Variants in PDZRN3 observed in about 807,000 individuals in gnomAD.
PDZRN3 encodes PDZ domain containing ring finger 3.
Under a neutral mutation model 85.7 loss-of-function variants are expected in PDZRN3, and 38 were observed. That is an observed-to-expected ratio of 0.44 (90% CI 0.34 to 0.58). PDZRN3 has a LOEUF of 0.58. Among genes scored for constraint, PDZRN3 ranks in the 20% least tolerant of loss-of-function variants. PDZRN3 has a pLI of 0.01. For synonymous variants in PDZRN3, 759 were observed against 638.0 expected (o/e 1.19, Z -2.86); for missense variants, 1,629 against 1,506.4 (o/e 1.08, Z -1.35).
At chr3:73,474,683 T>C (rs913810113) in intron 3 of PDZRN3, 1 of 1,017,954 alleles carries the variant, frequency 9.8e-7, no homozygotes, top group South Asian at 2.4e-5. Context: ...AGGGAGGCAC[T>C]GAACAAAAGA....
At chr3:73,535,080 G>T (rs1352487825) in intron 3 of PDZRN3, among the ~76,000 whole-genome samples, 1 of 152,014 alleles carries the variant, frequency 6.6e-6, no homozygotes, top group African/African-American at 2.4e-5. Context: ...ACCATCACCT[G>T]GGTCTGCCGT....
At chr3:73,470,058 TC>T in intron 3 of PDZRN3, among the ~76,000 whole-genome samples, 2 of 152,292 alleles carry the variant, frequency 1.3e-5, no homozygotes, top group Middle Eastern at 6.8e-3. Context: ...TATTAAATGT[TC>T]CTTGGGGGCA....
At position 73,408,568 on chromosome 3, in the gene PDZRN3, C is replaced by T. The variant is rs933863090; in HGVS notation, c.919-4173G>A. On this transcript the variant is annotated intron_variant, in intron 3 of 9. Coordinates refer to ENST00000263666, the MANE Select transcript of PDZRN3 (RefSeq NM_015009.3). Reference sequence around the variant, plus strand: ...TATGCACATGGATATTTTCAGCCCTCGAGTTGGGATTCTTGGAGGAGGGGG... The same window carrying T: ...TATGCACATGGATATTTTCAGCCCTTGAGTTGGGATTCTTGGAGGAGGGGG... 7.3e-5 allele frequency among the ~76,000 whole-genome samples: 11 copies of T among 149,892 alleles called. No homozygotes were observed. In the South Asian group the frequency reaches 1.1e-3, roughly 14 times the overall value.
At position 73,383,950 on chromosome 3, in the gene PDZRN3, G is replaced by T; in HGVS notation, c.2616C>A (p.His872Gln). The change falls in exon 10 of 10, where the codon CAC becomes CAA. Residue 872 changes from histidine (H) to glutamine (Q), a missense_variant. Coordinates refer to ENST00000263666, the MANE Select transcript of PDZRN3 (RefSeq NM_015009.3). ...GGTAGTGCTGGGCGTGCGCCGGGAT[G>T]TGCGCGTGCTTGTATGGGGAGTGGT... ...SYHHSPYKHAHIPAHAQHYQS... is the reference protein window; with the variant it reads ...SYHHSPYKHAQIPAHAQHYQS... 2 of 1,602,922 alleles carry T rather than the reference G, an allele frequency of 1.2e-6. No homozygotes were observed. Among genetic ancestry groups the T allele is most frequent in the Non-Finnish European group, 1.7e-6 (2 of 1,175,198 alleles).
At chr3:73,541,352 T>C (rs149855812) in intron 3 of PDZRN3, among the ~76,000 whole-genome samples, 2 of 152,342 alleles carry the variant, frequency 1.3e-5, no homozygotes, top group African/African-American at 4.8e-5. Context: ...ATAGCTAACA[T>C]TTATTGAGTA....
At chr3:73,470,612 C>A (rs1703317696) in intron 3 of PDZRN3, among the ~76,000 whole-genome samples, 2 of 152,192 alleles carry the variant, frequency 1.3e-5, no homozygotes, top group Non-Finnish European at 2.9e-5. Context: ...GGATGCTGTT[C>A]TTGAATAAGA....
At chr3:73,617,227 C>T (rs1241493745) in intron 1 of PDZRN3, among the ~76,000 whole-genome samples, 7 of 152,322 alleles carry the variant, frequency 4.6e-5, no homozygotes, top group Admixed American at 1.3e-4. Flanking sequence ...ACAAAGATTA[C>T]GCGGTGCCTC....
Position 73,387,991 on chromosome 3 carries a change from G to A in PDZRN3, c.1495C>T (p.Leu499=), listed in dbSNP as rs1455711526. The change falls in exon 8 of 10, where the codon CTG becomes TTG. Residue 499 remains leucine, a synonymous_variant. Coordinates refer to ENST00000263666, the MANE Select transcript of PDZRN3 (RefSeq NM_015009.3). ...TSEENKNFSL[L]IARPELQLDE... ...ACCTGGAGTTCAGGCCTTGCAATCAGCAATGAAAAGTTTTTATTTTCTTCA... is the reference window on the plus strand; with the variant it reads ...ACCTGGAGTTCAGGCCTTGCAATCAACAATGAAAAGTTTTTATTTTCTTCA... The A allele has an allele frequency of 7.3e-6, 11 of 1,515,362 alleles. No individual in the cohort carries two copies. The highest frequency in any genetic ancestry group is 9.9e-6 in the Non-Finnish European group (11 of 1,114,968). 93.9% of individuals were successfully genotyped at this position (1,515,362 alleles called of 1,614,324 possible). A position where few individuals can be genotyped will look rare whatever the true frequency, so the allele number is the denominator to read the frequency against.
chr3:73,469,257 G>A (rs956381532), intron 3 of PDZRN3, among the ~76,000 whole-genome samples: 9 of 151,962 alleles, frequency 5.9e-5, no homozygotes, highest in Non-Finnish European at 1.0e-4. Flanking sequence ...ATCTTTAGTG[G>A]AAACAAGGTT....
intron 3 of PDZRN3, among the ~76,000 whole-genome samples, chr3:73,595,925 T>C (rs1702424650): frequency 1.3e-5 from 2 of 152,148 alleles, no homozygotes; most frequent in South Asian, 4.1e-4. Context: ...TGAAGGTGCC[T>C]AGAAGCAATG....
In PDZRN3 at chr3:73,624,918, G is replaced by A. The variant is rs1267165934; in HGVS notation, c.-93C>T. 4.1e-6 allele frequency: 4 copies of A among 975,258 alleles called. No individual in the cohort carries two copies. The African/African-American group carries it at 5.1e-5, about 12-fold the overall frequency. The allele number at this position is 975,258 out of a possible 1,614,324, so 60.4% of individuals were successfully genotyped here. A position where few individuals can be genotyped will look rare whatever the true frequency, so the allele number is the denominator to read the frequency against. ...CAGACAGGCCGGCTACGCCGCCCGC[G>A]CGCTCGCTGGCTCTCCCCGGACTGA... On this transcript the variant is annotated 5_prime_UTR_variant, in exon 1 of 10. Coordinates refer to ENST00000263666, the MANE Select transcript of PDZRN3 (RefSeq NM_015009.3).
chr3:73,533,369 T>C (rs1429255933), intron 3 of PDZRN3, among the ~76,000 whole-genome samples: 1 of 152,152 alleles, frequency 6.6e-6, no homozygotes, highest in Non-Finnish European at 1.5e-5. Flanking sequence ...CCAAAACTTC[T>C]ACCTCTATCC....
rs780293470 is a variant in PDZRN3, at chr3:73,383,754, C to T, written c.2812G>A (p.Val938Met). Reference protein sequence around the residue: ...DGTRYITKRPVRDRLLRERAL... With the variant: ...DGTRYITKRPMRDRLLRERAL... Reference sequence around the variant, plus strand: ...CGCTCCCGCAGCAGGCGGTCCCGCACGGGCCTCTTGGTGATGTAGCGCGTC... The same window carrying T: ...CGCTCCCGCAGCAGGCGGTCCCGCATGGGCCTCTTGGTGATGTAGCGCGTC... The change falls in exon 10 of 10, where the codon GTG becomes ATG. Residue 938 changes from valine to methionine, a missense_variant. Transcript: ENST00000263666. 6 of 1,612,528 alleles carry T rather than the reference C, an allele frequency of 3.7e-6. No homozygotes were observed. The highest frequency in any genetic ancestry group is 3.3e-5 in the South Asian group (3 of 91,060).
chr3:73,486,114 G>A (rs1703656301), intron 3 of PDZRN3, among the ~76,000 whole-genome samples: 1 of 152,216 alleles, frequency 6.6e-6, no homozygotes, highest in African/African-American at 2.4e-5. Context: ...CTGGGAAAGA[G>A]CACGCTGCAA....
chr3:73,527,289 C>T (rs1274661343), intron 3 of PDZRN3, among the ~76,000 whole-genome samples: 1 of 152,178 alleles, frequency 6.6e-6, no homozygotes, highest in Non-Finnish European at 1.5e-5. Flanking sequence ...CCATTACTCA[C>T]TTCCTATCCT....
intron 1 of PDZRN3, among the ~76,000 whole-genome samples, chr3:73,610,767 T>C (rs1427801479): frequency 6.6e-6 from 1 of 152,180 alleles, no homozygotes; most frequent in African/African-American, 2.4e-5. Flanking sequence ...AATCATATGA[T>C]TTAAAAGATT....
At chr3:73,390,655 G>GTGTGTGTGAC (rs6147890) in intron 6 of PDZRN3, among the ~76,000 whole-genome samples, 1 of 16,174 alleles carries the variant, frequency 6.2e-5, no homozygotes, top group Non-Finnish European at 1.4e-4. Context: ...GTGTGTGTGT[G>GTGTGTGTGAC]AGAGAGAGAG....
chr3:73,423,894 A>G (rs1179736455), intron 3 of PDZRN3, among the ~76,000 whole-genome samples: 1 of 152,190 alleles, frequency 6.6e-6, no homozygotes, highest in East Asian at 1.9e-4. Flanking sequence ...CACGTATGGA[A>G]TTACAAAGAA....
rs1702947499 is a variant in PDZRN3 at position 73,624,895 on chromosome 3, G to A, written c.-70C>T. ...CCCTCCCTCCCCACGAGGCGGCCCA[G>A]ACAGGCCGGCTACGCCGCCCGCGCG... On this transcript the variant is annotated 5_prime_UTR_variant, in exon 1 of 10. Transcript: ENST00000263666. 8.3e-7 allele frequency: 1 copy of A among 1,198,656 alleles called. No individual in the cohort carries two copies. Among genetic ancestry groups the A allele is most frequent in the Non-Finnish European group, 1.0e-6 (1 of 952,742 alleles). 74.3% of individuals were successfully genotyped at this position (1,198,656 alleles called of 1,614,324 possible).
Sources: allele counts gnomAD v4.1 joint callset (sites outside exome capture counted in the v4.1 genomes callset), GRCh38; gene constraint gnomAD v4.1.1; transcripts MANE v1.5; gene names NCBI Gene and HGNC (gene_info 2026-07-23, HGNC 2026-07-21).